Variants in NNT observed in about 807,000 individuals in gnomAD.
NNT encodes NAD(P) transhydrogenase, mitochondrial.
In NNT, 50 loss-of-function variants were observed where a neutral mutation model predicts 104.8. The ratio of observed to expected loss-of-function variants is 0.48; its 90% CI spans 0.38 to 0.60. The LOEUF (loss-of-function observed/expected upper bound fraction) is 0.60. Ranked by LOEUF, NNT falls within the 20% of genes least tolerant of loss-of-function variation. NNT has a pLI of 0.00. For synonymous variants in NNT, 461 were observed against 490.4 expected (o/e 0.94, Z 0.79); for missense variants, 1,131 against 1,330.7 (o/e 0.85, Z 2.33).
intron 17 of NNT, chr5:43,667,163 G>A: frequency 1.3e-6 from 2 of 1,482,954 alleles, no homozygotes; most frequent in South Asian, 2.3e-5. Context: ...TGTGATCGGG[G>A]TTTCTTGATA....
chr5:43,655,698 C>T (rs1047692731), intron 14 of NNT, 142 bp from the exon 15 acceptor site: 1 of 647,372 alleles, frequency 1.5e-6, no homozygotes, highest in Admixed American at 2.5e-5. Context: ...CTGTACAGCC[C>T]CTGTAGAGAA....
chr5:43,614,728 G>A (rs1327169884), intron 3 of NNT, among the ~76,000 whole-genome samples: 2 of 152,194 alleles, frequency 1.3e-5, no homozygotes, highest in African/African-American at 4.8e-5. Flanking sequence ...TTGCCTAAAA[G>A]CACTATTGCT....
chr5:43,641,044 T>A (rs1199367619), intron 7 of NNT, among the ~76,000 whole-genome samples: 1 of 151,986 alleles, frequency 6.6e-6, no homozygotes, highest in East Asian at 1.9e-4. Context: ...TTTCTAGAGT[T>A]TAACTTATGG....
intron 19 of NNT, among the ~76,000 whole-genome samples, chr5:43,699,579 C>CCT (rs2112244179): frequency 6.6e-6 from 1 of 152,142 alleles, no homozygotes; most frequent in South Asian, 2.1e-4. Context: ...GTCTTGAACT[C>CCT]CTGACCTCAA....
chr5:43,664,281 C>T (rs1189426522), intron 17 of NNT, among the ~76,000 whole-genome samples: 3 of 152,174 alleles, frequency 2.0e-5, no homozygotes, highest in African/African-American at 4.8e-5. Flanking sequence ...ATCCAGATTG[C>T]CTCAGAAATA....
intron 15 of NNT, 108 bp from the exon 16 acceptor site, chr5:43,656,545 T>A: frequency 9.7e-7 from 1 of 1,032,682 alleles, no homozygotes; most frequent in African/African-American, 1.6e-5. Flanking sequence ...CTAAACAGCA[T>A]CCTCATAATC....
At chr5:43,644,153 T>A (rs1403956228) in intron 7 of NNT, 39 bp from the exon 8 acceptor site, 3 of 1,554,314 alleles carry the variant, frequency 1.9e-6, no homozygotes, top group Non-Finnish European at 2.6e-6. Context: ...TGTTAGAAAA[T>A]GATAATACAA....
Position 43,675,635 on chromosome 5 carries a change from T to A in NNT, c.2759T>A (p.Met920Lys). ...ATCAACCTTGACAATGCAATTGACA[T>A]GATTCGAGAAGCTAATAGCATTATT... ...TEINLDNAID[M>K]IREANSIIIT... Residue 920 changes from methionine (M) to lysine (K), a missense_variant, in exon 18 of 22, where the codon ATG (methionine) becomes AAG (lysine). Coordinates refer to ENST00000344920, the MANE Select transcript of NNT (RefSeq NM_182977.3). The A allele has an allele frequency of 6.2e-7, 1 of 1,609,912 alleles. No homozygotes were observed. The highest frequency in any genetic ancestry group is 8.5e-7 in the Non-Finnish European group (1 of 1,178,386).
At chr5:43,688,292 G>A (rs893373747) in intron 19 of NNT, among the ~76,000 whole-genome samples, 1 of 152,166 alleles carries the variant, frequency 6.6e-6, no homozygotes, top group African/African-American at 2.4e-5. Flanking sequence ...AGAAGGACAT[G>A]TGACAGTGGA....
chr5:43,695,539 G>A (rs1277618631), intron 19 of NNT, among the ~76,000 whole-genome samples: 3 of 152,190 alleles, frequency 2.0e-5, no homozygotes, highest in Non-Finnish European at 4.4e-5. Context: ...TGAGGCTTAA[G>A]CTGGGCATTG....
At chr5:43,630,263 T>G (rs1750608888) in intron 7 of NNT, among the ~76,000 whole-genome samples, 1 of 152,200 alleles carries the variant, frequency 6.6e-6, no homozygotes, top group African/African-American at 2.4e-5. Flanking sequence ...GTTCCTCTGC[T>G]CAAACCCTTG....
chr5:43,618,496 T>C (rs1749900935), intron 4 of NNT, among the ~76,000 whole-genome samples: 1 of 152,210 alleles, frequency 6.6e-6, no homozygotes, highest in Non-Finnish European at 1.5e-5. Flanking sequence ...TAATTTTTTT[T>C]ATTTTAAGGA....
rs745988504 is a variant in NNT at position 43,616,030 on chromosome 5, A to C, written c.564A>C (p.Gly188=). The C allele has an allele frequency of 6.2e-7, 1 of 1,614,108 alleles. No homozygotes were observed. The highest frequency in any genetic ancestry group is 1.1e-5 in the South Asian group (1 of 91,082). ...DQVPRVTIAQ[G]YDALSSMANI... ...TTCCAAGAGTCACAATTGCTCAGGGATATGATGCGCTAAGCTCCATGGCCA... is the reference window on the plus strand; with the variant it reads ...TTCCAAGAGTCACAATTGCTCAGGGCTATGATGCGCTAAGCTCCATGGCCA... Residue 188 remains glycine (G), a synonymous_variant, in exon 4 of 22, where the codon GGA becomes GGC. Transcript: ENST00000344920.
intron 19 of NNT, among the ~76,000 whole-genome samples, chr5:43,688,312 TG>T (rs1742086581): frequency 6.6e-6 from 1 of 152,084 alleles, no homozygotes; most frequent in African/African-American, 2.4e-5. Flanking sequence ...AAGCAGAAGT[TG>T]GGGTGATGTA....
At position 43,644,693 on chromosome 5, in the gene NNT, A is replaced by C; in HGVS notation, c.1181A>C (p.Lys394Thr). The C allele has an allele frequency of 6.2e-7, 1 of 1,614,216 alleles. No individual in the cohort carries two copies. Among genetic ancestry groups the C allele is most frequent in the South Asian group, 1.1e-5 (1 of 91,084 alleles). Residue 394 changes from lysine (K) to threonine (T), a missense_variant, in exon 9 of 22, where the codon AAA (lysine) becomes ACA (threonine). Physicochemically the swap from Lys to Thr is moderately conservative, Grantham distance 78. Coordinates refer to ENST00000344920, the MANE Select transcript of NNT (RefSeq NM_182977.3). Reference sequence around the variant, plus strand: ...ACCCTATATTCCAACAACATCACCAAACTCCTGAAGGCCATCAGCCCGGAC... The same window carrying C: ...ACCCTATATTCCAACAACATCACCACACTCCTGAAGGCCATCAGCCCGGAC... ...ASTLYSNNIT[K>T]LLKAISPDKD...
At chr5:43,632,822 C>T (rs991180180) in intron 7 of NNT, among the ~76,000 whole-genome samples, 2 of 152,130 alleles carry the variant, frequency 1.3e-5, no homozygotes, top group East Asian at 1.9e-4. Context: ...TTTTTAGCAT[C>T]CCTAGTGATC....
chr5:43,611,693 A>G (rs765473566), intron 2 of NNT, among the ~76,000 whole-genome samples: 5 of 152,210 alleles, frequency 3.3e-5, no homozygotes, highest in Admixed American at 3.3e-4. Context: ...GTCTTACTTA[A>G]TAAGTTACTT....
chr5:43,622,865 G>GTTTT (rs36088911), intron 5 of NNT, among the ~76,000 whole-genome samples: 1 of 138,524 alleles, frequency 7.2e-6, no homozygotes, highest in Non-Finnish European at 1.6e-5. Flanking sequence ...TTAAATTATG[G>GTTTT]TTTTTTTTTT....
At chr5:43,687,053 CCTT>C (rs1378139700) in intron 19 of NNT, among the ~76,000 whole-genome samples, 2 of 152,264 alleles carry the variant, frequency 1.3e-5, no homozygotes, top group Middle Eastern at 3.4e-3. Context: ...CCCCTTCTCT[CCTT>C]CTCTCTCTTG....
Sources: gnomAD v4.1 joint callset for allele counts (sites outside exome capture counted in the v4.1 genomes callset) on GRCh38, gnomAD v4.1.1 for gene constraint, MANE v1.5 for transcripts, NCBI Gene and HGNC (gene_info 2026-07-23, HGNC 2026-07-21) for gene names.